Variants in TENM2 observed in about 807,000 individuals in gnomAD.
TENM2 encodes teneurin-2.
A neutral mutation model predicts 245.2 loss-of-function variants in TENM2; 52 were observed. The observed-to-expected ratio is 0.21, with a 90% CI of 0.17 to 0.27. The LOEUF is 0.27. TENM2 is among the 10% of genes least tolerant of loss of function. TENM2 has a pLI of 1.00. For synonymous variants in TENM2, 1,363 were observed against 1,438.9 expected (o/e 0.95, Z 1.19); for missense variants, 3,046 against 3,666.8 (o/e 0.83, Z 4.37).
At chr5:167,386,457 C>T (rs552071004) in intron 2 of TENM2, among the ~76,000 whole-genome samples, 1 of 152,240 alleles carries the variant, frequency 6.6e-6, no homozygotes, top group South Asian at 2.1e-4. Context: ...TTCTCCCACT[C>T]TGTGGGTTGT....
chr5:167,858,562 G>C (rs1395767711), intron 2 of TENM2, among the ~76,000 whole-genome samples: 1 of 152,050 alleles, frequency 6.6e-6, no homozygotes, highest in Non-Finnish European at 1.5e-5. Context: ...AAGGCGCCGC[G>C]GGCTGGGGTC....
At chr5:167,495,185 T>C (rs1748862390) in intron 2 of TENM2, among the ~76,000 whole-genome samples, 1 of 151,954 alleles carries the variant, frequency 6.6e-6, no homozygotes, top group East Asian at 1.9e-4. Flanking sequence ...TCATACTGTT[T>C]CCTTTTAAGA....
chr5:167,910,607 CACTA>C (rs1776470766), intron 3 of TENM2, among the ~76,000 whole-genome samples: 1 of 152,204 alleles, frequency 6.6e-6, no homozygotes, highest in South Asian at 2.1e-4. Flanking sequence ...CATTGAACTC[CACTA>C]ACTTATACCT....
chr5:167,879,714 A>G (rs1773719411), intron 3 of TENM2, among the ~76,000 whole-genome samples: 1 of 152,188 alleles, frequency 6.6e-6, no homozygotes, highest in South Asian at 2.1e-4. Flanking sequence ...AACACTCATT[A>G]GTAGCATCAA....
chr5:167,565,758 A>G (rs1215882860), intron 2 of TENM2, among the ~76,000 whole-genome samples: 1 of 152,238 alleles, frequency 6.6e-6, no homozygotes, highest in Non-Finnish European at 1.5e-5. Flanking sequence ...TTGAAATTCA[A>G]TCACTTTATC....
chr5:167,218,989 T>G, the TENM2 span, among the ~76,000 whole-genome samples: 1 of 152,326 alleles, frequency 6.6e-6, no homozygotes, highest in Non-Finnish European at 1.5e-5. Context: ...CTGGCTTTTT[T>G]GGGTCTGTCT....
At chr5:167,485,580 G>C (rs79756922) in intron 2 of TENM2, among the ~76,000 whole-genome samples, 178 of 152,184 alleles carry the variant, frequency 1.2e-3, no homozygotes, top group Non-Finnish European at 2.2e-3. Flanking sequence ...GGGCAGGAGG[G>C]GGGCAGGGAA....
intron 2 of TENM2, among the ~76,000 whole-genome samples, chr5:167,654,242 C>T (rs1288762755): frequency 6.6e-6 from 1 of 151,968 alleles, no homozygotes; most frequent in Non-Finnish European, 1.5e-5. Context: ...GGTAAACTTG[C>T]CTCCTACCAG....
Position 167,809,872 on chromosome 5 carries a change from T to C in TENM2, c.503-66114T>C, listed in dbSNP as rs143049422. ...AAAGAGAAAGAGAAACTAAAAATAA[T>C]AGGCTCTTCAAATCCAAATGAGAAT... On this transcript the variant is annotated intron_variant, in intron 2 of 28. Coordinates refer to ENST00000518659, the Ensembl canonical transcript of TENM2. Among the ~76,000 whole-genome samples, 21 of 152,232 alleles carry C rather than the reference T, an allele frequency of 1.4e-4. No individual in the cohort carries two copies. In the East Asian group the frequency reaches 3.7e-3, roughly 27 times the overall value.
At chr5:167,029,388 C>G in the TENM2 span, among the ~76,000 whole-genome samples, 1 of 152,248 alleles carries the variant, frequency 6.6e-6, no homozygotes, top group South Asian at 2.1e-4. Flanking sequence ...TCCCCTTTGG[C>G]CTCTAATGAG....
intron 2 of TENM2, among the ~76,000 whole-genome samples, chr5:167,833,554 G>T (rs998363183): frequency 1.3e-5 from 2 of 152,180 alleles, no homozygotes; most frequent in Non-Finnish European, 2.9e-5. Flanking sequence ...ATCTCCTCAT[G>T]CTCATTGGTT....
At chr5:167,954,005 C>A (rs190477199) in intron 4 of TENM2, among the ~76,000 whole-genome samples, 2 of 151,934 alleles carry the variant, frequency 1.3e-5, no homozygotes. Context: ...TTAAGAGAAA[C>A]TAAAAGAATG....
chr5:168,114,943 TC>T (rs1794943396), intron 9 of TENM2, among the ~76,000 whole-genome samples: 1 of 152,108 alleles, frequency 6.6e-6, no homozygotes, highest in Non-Finnish European at 1.5e-5. Flanking sequence ...TTCTAGACAA[TC>T]CTGTTTTTTT....
At chr5:167,178,151 A>G in the TENM2 span, among the ~76,000 whole-genome samples, 1 of 152,226 alleles carries the variant, frequency 6.6e-6, no homozygotes, top group South Asian at 2.1e-4. Context: ...AACTCATTAC[A>G]TTGCAGTATT....
intron 25 of TENM2, among the ~76,000 whole-genome samples, chr5:168,234,862 GAT>G (rs2152651047): frequency 6.6e-6 from 1 of 152,342 alleles, no homozygotes; most frequent in Admixed American, 6.5e-5. Flanking sequence ...TTGCTTCCAA[GAT>G]AATCTTCCAT....
chr5:168,168,928 T>G (rs1758551192), intron 13 of TENM2, among the ~76,000 whole-genome samples: 1 of 152,190 alleles, frequency 6.6e-6, no homozygotes, highest in Admixed American at 6.5e-5. Context: ...GTTTACTAAA[T>G]GTTAGACCCT....
chr5:167,926,546 C>T (rs1355979639), intron 3 of TENM2, among the ~76,000 whole-genome samples: 1 of 152,128 alleles, frequency 6.6e-6, no homozygotes, highest in African/African-American at 2.4e-5. Context: ...ATGGGGAAAC[C>T]CTGTCTCTAC....
intron 1 of TENM2, among the ~76,000 whole-genome samples, chr5:167,342,589 G>A (rs1264417395): frequency 9.8e-5 from 13 of 132,616 alleles, no homozygotes; most frequent in East Asian, 2.5e-4. Context: ...CTGCAGTGGC[G>A]CAATCTCGGC....
chr5:167,848,625 C>G (rs1010992436), intron 2 of TENM2, among the ~76,000 whole-genome samples: 4 of 152,320 alleles, frequency 2.6e-5, no homozygotes, highest in Middle Eastern at 3.4e-3. Context: ...TTAATGATTT[C>G]TCGGACAGTC....
Sources: allele counts gnomAD v4.1 joint callset (sites outside exome capture counted in the v4.1 genomes callset), GRCh38; gene constraint gnomAD v4.1.1; transcripts MANE v1.5; gene names NCBI Gene and HGNC (gene_info 2026-07-23, HGNC 2026-07-21).